DRP2: variants seen among roughly 807,000 people sequenced by gnomAD.
DRP2 encodes dystrophin-related protein 2.
Under a neutral mutation model 78.2 loss-of-function variants are expected in DRP2, and 29 were observed. That is an observed-to-expected ratio of 0.37 (90% CI 0.28 to 0.51). DRP2 has a LOEUF of 0.51. Ranked by LOEUF, DRP2 falls within the 20% of genes least tolerant of loss-of-function variation. DRP2 has a pLI of 0.94. For synonymous variants in DRP2, 290 were observed against 281.9 expected (o/e 1.03, Z -0.29); for missense variants, 686 against 770.6 (o/e 0.89, Z 1.30).
At chrX:101,224,113 A>G (rs1357951796) in intron 1 of DRP2, among the ~76,000 whole-genome samples, 2 of 104,093 alleles carry the variant, frequency 1.9e-5, no homozygotes, top group Admixed American at 1.1e-4. Flanking sequence ...TCTTTACAGA[A>G]CCTCTACATC....
At position 101,263,879 on chromosome X, in the gene DRP2, G is replaced by A. The variant is rs1437426995; in HGVS notation, c.*3258G>A. The A allele has an allele frequency of 9.0e-6, 1 of 111,650 alleles. No individual in the cohort carries two copies. Among genetic ancestry groups the A allele is most frequent in the African/African-American group, 3.3e-5 (1 of 30,720 alleles). 9.2% of individuals were successfully genotyped at this position (111,650 alleles called of 1,213,427 possible). ...GGAATATCTGTGCTTCCTGATGTGT[G>A]TGCTTGAGATTTGGGCTCTATATCC... On this transcript the variant is annotated 3_prime_UTR_variant, in exon 24 of 24. Transcript: ENST00000395209.
Position 101,255,261 on chromosome X carries a change from C to T in DRP2, c.2246+12C>T. The T allele has an allele frequency of 8.3e-7, 1 of 1,205,471 alleles. No homozygotes were observed. The highest frequency in any genetic ancestry group is 1.7e-5 in the African/African-American group (1 of 57,644). ...CCAGATGACAGCATGTGAGTTTCCA[C>T]AGCTGCTTATTTGCCAGAAATAGTT... On this transcript the variant is annotated intron_variant, in intron 20 of 23. Transcript: ENST00000395209.
At chrX:101,252,809 C>G in intron 17 of DRP2, 93 bp downstream of exon 17, 1 of 699,827 alleles carries the variant, frequency 1.4e-6, no homozygotes, top group Non-Finnish European at 2.1e-6. Context: ...TTGTTTTCTG[C>G]TCTCCCGTGG....
chrX:101,241,795 T>A lies in DRP2; in HGVS notation c.687T>A (p.Thr229=). 4 of 1,211,646 alleles carry A rather than the reference T, an allele frequency of 3.3e-6. No individual in the cohort carries two copies. The highest frequency in any genetic ancestry group is 4.5e-6 in the Non-Finnish European group (4 of 895,480). The change falls in exon 7 of 24, where the codon ACT becomes ACA. Residue 229 remains threonine, a synonymous_variant. Transcript: ENST00000395209. ...ACCAGCACCGTCACATTGAGCGGAC[T>A]CTGGAGCAGCTCTTGGAGATTCAAG... ...CVDQHRHIER[T]LEQLLEIQGA... is the part of the protein sequence containing the mutation.
At chrX:101,250,298 C>G in intron 14 of DRP2, 125 bp from the exon 15 acceptor site, 1 of 949,454 alleles carries the variant, frequency 1.1e-6, no homozygotes, top group South Asian at 2.2e-5. Context: ...TCTATGTAGT[C>G]CAGTTTGAAA....
At position 101,219,910 on chromosome X, in the gene DRP2, G is replaced by T. The variant is rs146570936; in HGVS notation, c.-403G>T. The T allele has an allele frequency of 4.1e-3, 455 of 111,320 alleles. 3 individuals carry two copies. The highest frequency in any genetic ancestry group is 0.013 in the African/African-American group (410 of 30,594). 9.2% of individuals were successfully genotyped at this position (111,320 alleles called of 1,213,427 possible). A position where few individuals can be genotyped will look rare whatever the true frequency, so the allele number is the denominator to read the frequency against. ...TCAAGGGTATTTTTGCCTGAGGTCG[G>T]AATGATGCTGTTAGTCCTGGTGATA... On this transcript the variant is annotated 5_prime_UTR_variant, in exon 1 of 24. Coordinates refer to ENST00000395209, the MANE Select transcript of DRP2 (RefSeq NM_001939.3).
In DRP2 at chrX:101,220,180, C is replaced by A. The variant is rs1352562246; in HGVS notation, c.-167+34C>A. 8.2e-5 allele frequency: 9 copies of A among 109,322 alleles called. No individual in the cohort carries two copies. In the Admixed American group the frequency reaches 8.9e-4, roughly 11 times the overall value. The allele number at this position is 109,322 out of a possible 1,213,427, so 9.0% of individuals were successfully genotyped here. ...CAGAAAAATTATTTCCAAGCCTTGG[C>A]CTTGTTCAGCTGGCTGAGGGGAAAT... On this transcript the variant is annotated intron_variant, in intron 1 of 23. Coordinates refer to ENST00000395209, the MANE Select transcript of DRP2 (RefSeq NM_001939.3).
At chrX:101,255,359 A>G (rs1569509753) in intron 20 of DRP2, 110 bp downstream of exon 20, 2 of 792,881 alleles carry the variant, frequency 2.5e-6, no homozygotes, top group East Asian at 6.4e-5. Context: ...GGTGGTTAGG[A>G]TCCTTAGCTC....
rs1187716079 is a variant in DRP2, at chrX:101,220,052, C to T, written c.-261C>T. 9.0e-6 allele frequency: 1 copy of T among 111,425 alleles called. No individual in the cohort carries two copies. 9.2% of individuals were successfully genotyped at this position (111,425 alleles called of 1,213,427 possible). A position where few individuals can be genotyped will look rare whatever the true frequency, so the allele number is the denominator to read the frequency against. ...ATACAGCAGCTGTCGGCATCCCTGT[C>T]TCAGGGACTTCTTTGCTGATTCACA... On this transcript the variant is annotated 5_prime_UTR_variant, in exon 1 of 24. Coordinates refer to ENST00000395209, the MANE Select transcript of DRP2 (RefSeq NM_001939.3).
intron 6 of DRP2, among the ~76,000 whole-genome samples, chrX:101,240,268 G>C (rs183673296): frequency 9.0e-6 from 1 of 111,296 alleles, no homozygotes; most frequent in Non-Finnish European, 1.9e-5. Context: ...TCATAACCCA[G>C]GCTGGAGTGC....
At position 101,222,920 on chromosome X, in the gene DRP2, T is replaced by C. The variant is rs140061283; in HGVS notation, c.-166-1684T>C. 7.1e-3 allele frequency among the ~76,000 whole-genome samples: 802 copies of C among 112,495 alleles called. 8 individuals are homozygous for C. The highest frequency in any genetic ancestry group is 0.024 in the African/African-American group (739 of 30,982). ...TTTATATACTTTTACTACACATGTA[T>C]ATATTTTTAAACAACATATACTACT... On this transcript the variant is annotated intron_variant, in intron 1 of 23. Coordinates refer to ENST00000395209, the MANE Select transcript of DRP2 (RefSeq NM_001939.3).
Position 101,229,540 on chromosome X carries a change from C to T in DRP2, c.-63-2045C>T, listed in dbSNP as rs753767651. On this transcript the variant is annotated intron_variant, in intron 2 of 23. Coordinates refer to ENST00000395209, the MANE Select transcript of DRP2 (RefSeq NM_001939.3). ...TAAATGCATAAATGTTTTTCTCACT[C>T]GGTAAGTTCTAAAAGTACAGCTACT... Among the ~76,000 whole-genome samples, 20 of 111,078 alleles carry T rather than the reference C, an allele frequency of 1.8e-4. No homozygotes were observed. The South Asian group carries it at 3.5e-3, about 19-fold the overall frequency.
At chrX:101,250,341 T>C (rs1254274869) in intron 14 of DRP2, 82 bp from the exon 15 acceptor site, 1 of 1,165,154 alleles carries the variant, frequency 8.6e-7, no homozygotes, top group East Asian at 3.0e-5. Flanking sequence ...CTTTCCCTAT[T>C]TTCCTTTTCT....
chrX:101,225,763 T>G (rs975577324), intron 2 of DRP2, among the ~76,000 whole-genome samples: 1 of 111,792 alleles, frequency 8.9e-6, no homozygotes, highest in African/African-American at 3.2e-5. Context: ...ATTCAAAAAG[T>G]ACAAAATGAT....
intron 11 of DRP2, among the ~76,000 whole-genome samples, chrX:101,246,526 A>G (rs1922939939): frequency 8.9e-6 from 1 of 112,231 alleles, no homozygotes; most frequent in South Asian, 3.7e-4. Context: ...GGAGTTTCTT[A>G]TATGTGTCTT....
intron 2 of DRP2, 27 bp from the exon 3 acceptor site, chrX:101,231,558 C>A: frequency 1.2e-6 from 1 of 814,957 alleles, no homozygotes; most frequent in Non-Finnish European, 1.9e-6. Context: ...GGTCTTGACT[C>A]GAAATCTCTC....
intron 23 of DRP2, 83 bp from the exon 24 acceptor site, chrX:101,260,414 T>G: frequency 1.8e-6 from 2 of 1,130,448 alleles, no homozygotes; most frequent in South Asian, 4.2e-5. Context: ...GGTCTGCCCT[T>G]CAGCTGGCAG....
chrX:101,248,240 G>T lies in DRP2; in HGVS notation c.1404G>T (p.Val468=). The part of the protein sequence containing the change: ...LEEERGILVN[V]PLCVDMSLNW... Reference sequence around the variant, plus strand: ...AGGAAAGAGGCATCCTGGTCAACGTGCCACTCTGTGTGGACATGAGCCTCA... The same window carrying T: ...AGGAAAGAGGCATCCTGGTCAACGTTCCACTCTGTGTGGACATGAGCCTCA... The change falls in exon 13 of 24, where the codon GTG becomes GTT. Residue 468 remains valine, a synonymous_variant. Coordinates refer to ENST00000395209, the MANE Select transcript of DRP2 (RefSeq NM_001939.3). The T allele has an allele frequency of 8.3e-7, 1 of 1,211,689 alleles. No individual in the cohort carries two copies. The highest frequency in any genetic ancestry group is 1.8e-5 in the South Asian group (1 of 56,962).
rs963679718 is a variant in DRP2 at position 101,242,249 on chromosome X, G to A, written c.829-76G>A. On this transcript the variant is annotated intron_variant, in intron 7 of 23. Coordinates refer to ENST00000395209, the MANE Select transcript of DRP2 (RefSeq NM_001939.3). ...GAAACAAAACCTCTGGGTGAAGAGG[G>A]AAGAGTAGAGGTGAATGACTAATGT... is the stretch of plus-strand genomic sequence containing the variant. 3.5e-5 allele frequency: 40 copies of A among 1,151,164 alleles called. No individual in the cohort carries two copies. The East Asian group carries it at 1.2e-3, about 34-fold the overall frequency. The allele number at this position is 1,151,164 out of a possible 1,213,427, so 94.9% of individuals were successfully genotyped here.
Sources: gnomAD v4.1 joint callset for allele counts (sites outside exome capture counted in the v4.1 genomes callset) on GRCh38, gnomAD v4.1.1 for gene constraint, MANE v1.5 for transcripts, NCBI Gene and HGNC (gene_info 2026-07-23, HGNC 2026-07-21) for gene names.